The following PLS1 variants were observed in gnomAD, a reference collection of about 807,000 sequenced individuals.
PLS1 encodes the protein plastin 1.
In PLS1, 32 loss-of-function variants were observed where a neutral mutation model predicts 73.7. The ratio of observed to expected loss-of-function variants is 0.43; its 90% confidence interval spans 0.33 to 0.58. The LOEUF is 0.58. PLS1 is among the 20% of genes least tolerant of loss of function. The probability of loss-of-function intolerance (pLI) is 0.04; values close to 1 mark genes in which losing one functional copy is unlikely to be tolerated. For missense variants in PLS1, 633 were observed against 740.5 expected (o/e 0.85, Z 1.68); for synonymous variants, 217 against 261.3 (o/e 0.83, Z 1.63).
rs188272957 is a variant in PLS1 at position 142,702,896 on chromosome 3, A to T, written c.1372-972A>T. Among the ~76,000 whole-genome samples, 72 of 152,242 alleles carry T rather than the reference A, an allele frequency of 4.7e-4. 1 individual carries two copies. Among genetic ancestry groups the T allele is most frequent in the Non-Finnish European group, 7.5e-4 (51 of 68,012 alleles). Reference sequence around the variant, plus strand: ...ATGATATAGATTTGTGCACGTAAAAATTTTTGTCCTTTAGAAGAAGCTTAT... The same window carrying T: ...ATGATATAGATTTGTGCACGTAAAATTTTTTGTCCTTTAGAAGAAGCTTAT... On this transcript the variant is annotated intron_variant, in intron 12 of 15. Transcript: ENST00000457734.
intron 1 of PLS1, among the ~76,000 whole-genome samples, chr3:142,600,909 TATATATA>T (rs1313451617): frequency 4.1e-4 from 12 of 28,988 alleles, no homozygotes; most frequent in African/African-American, 1.5e-3. Flanking sequence ...TATATATATA[TATATATA>T]TTTTTTTTTT....
intron 1 of PLS1, among the ~76,000 whole-genome samples, chr3:142,660,133 C>A (rs2037337157): frequency 6.6e-6 from 1 of 152,052 alleles, no homozygotes; most frequent in African/African-American, 2.4e-5. Flanking sequence ...GAATCTAAAA[C>A]CCTTCTTAGA....
At chr3:142,673,964 G>A (rs954185751) in intron 4 of PLS1, 3 of 152,036 alleles carry the variant, frequency 2.0e-5, no homozygotes, top group African/African-American at 4.8e-5. Context: ...GTTGTGATGT[G>A]GTATCTCATT....
chr3:142,703,429 G>T (rs957222717), intron 12 of PLS1, among the ~76,000 whole-genome samples: 2 of 151,848 alleles, frequency 1.3e-5, no homozygotes, highest in Non-Finnish European at 2.9e-5. Flanking sequence ...CTGAGTAGAT[G>T]GGATTACAGG....
intron 1 of PLS1, among the ~76,000 whole-genome samples, chr3:142,602,101 G>A (rs1200998130): frequency 3.3e-5 from 4 of 120,226 alleles, no homozygotes; most frequent in Non-Finnish European, 6.8e-5. Flanking sequence ...GTGGTAAATC[G>A]TTCCGGTTTT....
chr3:142,700,899 T>C (rs1321440912), intron 12 of PLS1, among the ~76,000 whole-genome samples: 2 of 152,200 alleles, frequency 1.3e-5, no homozygotes, highest in African/African-American at 2.4e-5. Context: ...AGAGATCTGA[T>C]GGTTTTATCA....
At chr3:142,698,243 C>G (rs937823994) in intron 12 of PLS1, 176 bp downstream of exon 12, 1 of 503,840 alleles carries the variant, frequency 2.0e-6, no homozygotes, top group South Asian at 3.0e-5. Flanking sequence ...TGAAGGCAAT[C>G]CCTCTAGTCA....
rs1165375877 is a variant in PLS1, at chr3:142,638,280, C to T, written c.-36-25922C>T. The stretch of plus-strand genomic sequence containing the variant: ...AGTGAGATCCAGAGAGGTCAGATAC[C>T]CCAGATTGCACAGCTGGTAAGATGT... On this transcript the variant is annotated intron_variant, in intron 1 of 15. Coordinates refer to ENST00000457734, the MANE Select transcript of PLS1 (RefSeq NM_001145319.2). Among the ~76,000 whole-genome samples, 4 of 152,068 alleles carry T rather than the reference C, an allele frequency of 2.6e-5. No homozygotes were observed. In the East Asian group the frequency reaches 7.7e-4, roughly 29 times the overall value.
chr3:142,653,579 G>A (rs1327300799), intron 1 of PLS1, among the ~76,000 whole-genome samples: 1 of 151,766 alleles, frequency 6.6e-6, no homozygotes, highest in Non-Finnish European at 1.5e-5. Flanking sequence ...GCCCAAGCTG[G>A]TCTCCATCTC....
At chr3:142,696,941 C>T (rs1254113828) in intron 11 of PLS1, among the ~76,000 whole-genome samples, 1 of 151,942 alleles carries the variant, frequency 6.6e-6, no homozygotes, top group Non-Finnish European at 1.5e-5. Context: ...CTCCCTCTAT[C>T]ACCCAGTACT....
At chr3:142,598,930 G>A (rs1359899909) in intron 1 of PLS1, among the ~76,000 whole-genome samples, 7 of 151,960 alleles carry the variant, frequency 4.6e-5, no homozygotes, top group African/African-American at 1.7e-4. Context: ...GAACCCGGGA[G>A]GCGGAGCTTG....
At chr3:142,606,403 T>C (rs2036019030) in intron 1 of PLS1, among the ~76,000 whole-genome samples, 1 of 152,194 alleles carries the variant, frequency 6.6e-6, no homozygotes, top group Admixed American at 6.5e-5. Context: ...TCACTTTGAA[T>C]AGGATTAAAT....
intron 1 of PLS1, among the ~76,000 whole-genome samples, chr3:142,659,549 T>C (rs916798682): frequency 2.0e-5 from 3 of 152,186 alleles, no homozygotes; most frequent in Admixed American, 2.0e-4. Flanking sequence ...TTGTTTGTTT[T>C]GGTAGGCTGA....
At chr3:142,667,401 G>A (rs1031077643) in intron 2 of PLS1, among the ~76,000 whole-genome samples, 1 of 151,878 alleles carries the variant, frequency 6.6e-6, no homozygotes, top group Non-Finnish European at 1.5e-5. Flanking sequence ...GCGACATAGC[G>A]AGACTCCGAC....
intron 1 of PLS1, among the ~76,000 whole-genome samples, chr3:142,598,623 A>G (rs1432067895): frequency 2.0e-5 from 3 of 152,354 alleles, no homozygotes; most frequent in East Asian, 1.9e-4. Flanking sequence ...GACTAAATGC[A>G]GAGAAGGAAA....
chr3:142,632,282 T>G (rs953394327), intron 1 of PLS1, among the ~76,000 whole-genome samples: 7 of 152,214 alleles, frequency 4.6e-5, no homozygotes, highest in Non-Finnish European at 8.8e-5. Context: ...GCGAGTTTTC[T>G]ATGCACTTTC....
chr3:142,636,078 A>G (rs1206050257), intron 1 of PLS1, among the ~76,000 whole-genome samples: 1 of 151,520 alleles, frequency 6.6e-6, no homozygotes, highest in Admixed American at 6.6e-5. Flanking sequence ...TCCTGTGGCA[A>G]TAGGGTTCTC....
At chr3:142,599,274 G>A (rs1001522252) in intron 1 of PLS1, among the ~76,000 whole-genome samples, 4 of 150,716 alleles carry the variant, frequency 2.7e-5, no homozygotes, top group Admixed American at 6.6e-5. Flanking sequence ...ATATGGTAGC[G>A]CTTTATCCAG....
Position 142,692,954 on chromosome 3 carries a change from C to T in PLS1, c.1178-1515C>T, listed in dbSNP as rs76380004. On this transcript the variant is annotated intron_variant, in intron 10 of 15. Transcript: ENST00000457734. Reference sequence around the variant, plus strand: ...TATTTATGTCACTTTGGGGATAGTTCATAGATTTAATTTGTACCTGTTTAA... The same window carrying T: ...TATTTATGTCACTTTGGGGATAGTTTATAGATTTAATTTGTACCTGTTTAA... 7.2e-4 allele frequency among the ~76,000 whole-genome samples: 109 copies of T among 152,068 alleles called. 2 individuals carry two copies. In the East Asian group the frequency reaches 0.02, roughly 29 times the overall value.
Sources: gnomAD v4.1 joint callset for allele counts (sites outside exome capture counted in the v4.1 genomes callset) on GRCh38, gnomAD v4.1.1 for gene constraint, MANE v1.5 for transcripts, NCBI Gene and HGNC (gene_info 2026-07-23, HGNC 2026-07-21) for gene names.